The following DZIP3 variants were observed in gnomAD, a reference collection of about 807,000 sequenced individuals.
DZIP3 encodes the protein E3 ubiquitin-protein ligase DZIP3.
In DZIP3, 118 loss-of-function variants were observed where a neutral mutation model predicts 162.0. That is an observed-to-expected ratio of 0.73 (90% CI 0.63 to 0.85). The LOEUF is 0.85. DZIP3 is among the 40% of genes least tolerant of loss of function. DZIP3 has a pLI of 0.00. For synonymous variants in DZIP3, 438 were observed against 458.6 expected (o/e 0.96, Z 0.57); for missense variants, 1,331 against 1,407.0 (o/e 0.95, Z 0.86).
At chr3:108,648,858 C>A in intron 16 of DZIP3, 60 bp from the exon 17 acceptor site, 1 of 971,652 alleles carries the variant, frequency 1.0e-6, no homozygotes, top group Non-Finnish European at 1.4e-6. Context: ...ATATATTTTG[C>A]AAAATAACCC....
intron 3 of DZIP3, among the ~76,000 whole-genome samples, chr3:108,609,000 G>A (rs1449577395): frequency 6.6e-6 from 1 of 152,120 alleles, no homozygotes; most frequent in Non-Finnish European, 1.5e-5. Flanking sequence ...ACGCCTTCAC[G>A]TGGCGGCAGG....
At chr3:108,653,313 T>TA (rs1942946005) in intron 18 of DZIP3, among the ~76,000 whole-genome samples, 3 of 151,640 alleles carry the variant, frequency 2.0e-5, no homozygotes, top group African/African-American at 7.2e-5. Context: ...TAATGTATCT[T>TA]AGAGTTTCTA....
chr3:108,687,208 CATT>C (rs1400051859), intron 28 of DZIP3, among the ~76,000 whole-genome samples: 6 of 151,834 alleles, frequency 4.0e-5, no homozygotes, highest in Admixed American at 6.6e-5. Context: ...TGGCACACTT[CATT>C]ATTAAATTAT....
chr3:108,639,726 T>C (rs1942306983), intron 12 of DZIP3, among the ~76,000 whole-genome samples: 2 of 152,048 alleles, frequency 1.3e-5, no homozygotes, highest in Admixed American at 1.3e-4. Flanking sequence ...GTTGATCTTT[T>C]CAAAGAATCA....
chr3:108,654,528 C>T, intron 19 of DZIP3: 2 of 488,574 alleles, frequency 4.1e-6, no homozygotes, highest in East Asian at 3.6e-5. Context: ...AGCCCTCAAA[C>T]CATTTCCTGG....
chr3:108,677,408 G>T, intron 25 of DZIP3, 89 bp from the exon 26 acceptor site: 8 of 1,001,062 alleles, frequency 8.0e-6, no homozygotes, highest in East Asian at 2.7e-5. Context: ...CTTGTATGTT[G>T]TATTATTCAA....
chr3:108,654,481 A>T (rs1451615730), intron 19 of DZIP3, 171 bp downstream of exon 19: 3 of 645,382 alleles, frequency 4.6e-6, no homozygotes, highest in Non-Finnish European at 5.1e-6. Flanking sequence ...TAGAATAAGG[A>T]AAAAAAAGAA....
At chr3:108,655,689 C>A (rs1943077307) in intron 19 of DZIP3, among the ~76,000 whole-genome samples, 1 of 152,140 alleles carries the variant, frequency 6.6e-6, no homozygotes, top group Admixed American at 6.5e-5. Flanking sequence ...TGAGCCAAAG[C>A]AGGGCGAGGC....
intron 12 of DZIP3, among the ~76,000 whole-genome samples, chr3:108,639,477 A>G (rs566615893): frequency 6.6e-6 from 1 of 152,304 alleles, no homozygotes; most frequent in South Asian, 2.1e-4. Flanking sequence ...TCTGTTCTAC[A>G]TATGTGGTTC....
In DZIP3 at chr3:108,680,278, C is replaced by G. The variant is rs531890644; in HGVS notation, c.2883+2680C>G. ...TTCACTATTTCTATTAAAAATAGTA[C>G]TAGAGGTCCTAGCCAGAGCAGTTAG... On this transcript the variant is annotated intron_variant, in intron 26 of 32. Transcript: ENST00000361582. 2.0e-4 allele frequency among the ~76,000 whole-genome samples: 30 copies of G among 151,984 alleles called. 2 individuals carry two copies. The South Asian group carries it at 6.2e-3, about 32-fold the overall frequency.
chr3:108,654,451 G>T, intron 19 of DZIP3, 141 bp downstream of exon 19: 1 of 926,430 alleles, frequency 1.1e-6, no homozygotes, highest in East Asian at 2.6e-5. Context: ...AAAAGGTAAG[G>T]AGGGATATAT....
chr3:108,634,900 T>A lies in DZIP3; in HGVS notation c.846T>A (p.Ser282Arg). The A allele has an allele frequency of 6.2e-7, 1 of 1,609,730 alleles. No homozygotes were observed. Among genetic ancestry groups the A allele is most frequent in the Non-Finnish European group, 8.5e-7 (1 of 1,177,792 alleles). Residue 282 changes from serine (S) to arginine (R), a missense_variant, in exon 10 of 33, where the codon AGT (serine) becomes AGA (arginine). By Grantham distance (110) the Ser-to-Arg change is moderately radical. This residue lies in a region of DZIP3 where 1,278 missense variants were observed against 1,317.1 expected (regional missense o/e 0.97). Transcript: ENST00000361582. ...TTTTTCAGTTAATGTGCAGTAAAAG[T>A]TGCTGTGTTTATTTCCATAAAATTT... Reference protein sequence around the residue: ...KGFFQLMCSKSCCVYFHKICW... With the variant: ...KGFFQLMCSKRCCVYFHKICW...
Position 108,646,655 on chromosome 3 carries a change from T to C in DZIP3, c.1792+6T>C. ...GTCAATAACAGGCAGTCAGCGTAAG[T>C]ATATTTAGAAATAAAATGTGTAAAT... On this transcript the variant is annotated splice_donor_region_variant and intron_variant, in intron 15 of 32. Coordinates refer to ENST00000361582, the MANE Select transcript of DZIP3 (RefSeq NM_014648.4). 2 of 1,546,936 alleles carry C rather than the reference T, an allele frequency of 1.3e-6. No individual in the cohort carries two copies. Among genetic ancestry groups the C allele is most frequent in the Non-Finnish European group, 1.7e-6 (2 of 1,148,542 alleles).
intron 6 of DZIP3, among the ~76,000 whole-genome samples, 175 bp from the exon 7 acceptor site, chr3:108,625,670 A>C (rs1195369927): frequency 6.6e-6 from 1 of 152,186 alleles, no homozygotes; most frequent in Non-Finnish European, 1.5e-5. Flanking sequence ...CACTGACTAC[A>C]TGATCTTTGT....
At chr3:108,597,148 A>AT (rs1419087448) in intron 1 of DZIP3, among the ~76,000 whole-genome samples, 1 of 152,154 alleles carries the variant, frequency 6.6e-6, no homozygotes, top group Non-Finnish European at 1.5e-5. Context: ...TTTTACAATT[A>AT]TTTTTCCTGT....
At chr3:108,666,033 T>C (rs1943660332) in intron 21 of DZIP3, among the ~76,000 whole-genome samples, 1 of 152,052 alleles carries the variant, frequency 6.6e-6, no homozygotes, top group Admixed American at 6.6e-5. Flanking sequence ...AAGAAGACCA[T>C]CAGAATGAGT....
At chr3:108,661,994 T>G (rs370960355) in intron 20 of DZIP3, 22 bp downstream of exon 20, 2 of 1,607,220 alleles carry the variant, frequency 1.2e-6, no homozygotes, top group East Asian at 2.2e-5. Flanking sequence ...TGCCATTAGA[T>G]CTGATGGAAG....
intron 24 of DZIP3, among the ~76,000 whole-genome samples, chr3:108,674,877 G>C (rs1294733470): frequency 6.6e-6 from 1 of 151,816 alleles, no homozygotes; most frequent in African/African-American, 2.4e-5. Flanking sequence ...AATCAGCATT[G>C]TTCTTTCATT....
chr3:108,644,306 C>A lies in DZIP3; in HGVS notation c.1284C>A (p.His428Gln). The A allele has an allele frequency of 6.2e-7, 1 of 1,614,054 alleles. No individual in the cohort carries two copies. The highest frequency in any genetic ancestry group is 1.1e-5 in the South Asian group (1 of 91,078). The change falls in exon 14 of 33, where the codon CAC becomes CAA. Residue 428 changes from histidine (H) to glutamine (Q), a missense_variant. His to Gln is a conservative substitution (Grantham distance 24, BLOSUM62 0). Coordinates refer to ENST00000361582, the MANE Select transcript of DZIP3 (RefSeq NM_014648.4). ...PPLLKKELLI[H>Q]KNVLESYYNH... ...TTTTGAAAAAAGAGCTTCTTATACA[C>A]AAGAATGTGCTGGAATCCTACTACA...
Sources: allele counts gnomAD v4.1 joint callset (sites outside exome capture counted in the v4.1 genomes callset), GRCh38; gene constraint gnomAD v4.1.1; regional missense constraint gnomAD v4.1.1; transcripts MANE v1.5; gene names NCBI Gene and HGNC (gene_info 2026-07-23, HGNC 2026-07-21).